Variants in HDAC4 observed in about 807,000 individuals in gnomAD.
The protein encoded by HDAC4 is histone deacetylase A.
In HDAC4, 16 loss-of-function variants were observed where a neutral mutation model predicts 135.1. That is an observed-to-expected ratio of 0.12 (90% CI 0.08 to 0.18). The LOEUF (loss-of-function observed/expected upper bound fraction) is 0.18, where lower values mean the gene tolerates loss of function less well. HDAC4 is among the 10% of genes least tolerant of loss of function. HDAC4 has a pLI of 1.00. For missense variants in HDAC4, 1,143 were observed against 1,511.8 expected (o/e 0.76, Z 4.05); for synonymous variants, 685 against 653.4 (o/e 1.05, Z -0.74).
chr2:239,144,223 T>C (rs3791481), intron 8 of HDAC4, among the ~76,000 whole-genome samples: 105,872 of 152,096 alleles, frequency 0.7, 37,683 homozygotes, highest in South Asian at 0.91. Flanking sequence ...GGGCAGAGCA[T>C]GCGATTCACC....
intron 3 of HDAC4, among the ~76,000 whole-genome samples, chr2:239,217,918 C>T (rs1271843580): frequency 2.0e-5 from 3 of 152,050 alleles, no homozygotes; most frequent in Non-Finnish European, 4.4e-5. Context: ...ATCATAAGAC[C>T]CCATCTTTCC....
chr2:239,224,108 A>G (rs1446650632), intron 3 of HDAC4, among the ~76,000 whole-genome samples: 1 of 152,178 alleles, frequency 6.6e-6, no homozygotes, highest in Non-Finnish European at 1.5e-5. Flanking sequence ...ATTCCCCATG[A>G]ATTCATGCAA....
rs73102726 is a variant in HDAC4, at chr2:239,337,203, G to A, written c.22+15475C>T. ...CTGAACAGCAGGTTGTCACACAAACGGCTCCAAGGGAGGGAGTGGAGGAAA... is the reference window on the plus strand; with the variant it reads ...CTGAACAGCAGGTTGTCACACAAACAGCTCCAAGGGAGGGAGTGGAGGAAA... On this transcript the variant is annotated intron_variant, in intron 2 of 26. Coordinates refer to ENST00000543185, the MANE Select transcript of HDAC4 (RefSeq NM_001378414.1). Among the ~76,000 whole-genome samples, 773 of 152,316 alleles carry A rather than the reference G, an allele frequency of 5.1e-3. 7 individuals carry two copies. Among genetic ancestry groups the A allele is most frequent in the African/African-American group, 0.018 (743 of 41,564 alleles).
intron 17 of HDAC4, among the ~76,000 whole-genome samples, chr2:239,093,394 C>T (rs2036703861): frequency 6.6e-6 from 1 of 152,144 alleles, no homozygotes. Flanking sequence ...CTCCTGACAC[C>T]CCAGGAGGCT....
chr2:239,316,319 G>A (rs1044744846), intron 2 of HDAC4, among the ~76,000 whole-genome samples: 1 of 152,186 alleles, frequency 6.6e-6, no homozygotes, highest in African/African-American at 2.4e-5. Context: ...AACTCAGATG[G>A]CAGGCCCGGT....
intron 15 of HDAC4, among the ~76,000 whole-genome samples, chr2:239,107,017 C>T (rs990996486): frequency 2.7e-5 from 4 of 149,342 alleles, no homozygotes; most frequent in African/African-American, 1.0e-4. Context: ...TGCGACCCTG[C>T]ACAGTGTTGC....
intron 3 of HDAC4, among the ~76,000 whole-genome samples, chr2:239,213,833 A>G (rs1246408707): frequency 6.6e-6 from 1 of 152,216 alleles, no homozygotes; most frequent in South Asian, 2.1e-4. Context: ...CCTGCCCTCC[A>G]TGAGTACACA....
chr2:239,377,636 AG>A (rs1695109362), intron 1 of HDAC4, among the ~76,000 whole-genome samples: 1 of 152,244 alleles, frequency 6.6e-6, no homozygotes, highest in Non-Finnish European at 1.5e-5. Flanking sequence ...TGCGGGCAGG[AG>A]GCCCCAGGGC....
chr2:239,189,520 C>G (rs766639530), intron 4 of HDAC4, among the ~76,000 whole-genome samples: 2 of 152,236 alleles, frequency 1.3e-5, no homozygotes, highest in African/African-American at 4.8e-5. Context: ...GGTGCTTCTT[C>G]CCTTTGGTAG....
rs115341044 is a variant in HDAC4 at position 239,192,669 on chromosome 2, T to C, written c.95-2592A>G. On this transcript the variant is annotated intron_variant, in intron 3 of 26. Transcript: ENST00000543185. ...CACAGTCTCGTGAATGACTGTCAGG[T>C]TGCGGTTCCCTCTTCCGCGTTCATG... Among the ~76,000 whole-genome samples, 1,142 of 152,166 alleles carry C rather than the reference T, an allele frequency of 7.5e-3. 15 individuals carry two copies. The highest frequency in any genetic ancestry group is 0.026 in the African/African-American group (1,084 of 41,522).
intron 2 of HDAC4, among the ~76,000 whole-genome samples, chr2:239,323,621 G>A (rs1345138479): frequency 2.0e-5 from 3 of 152,290 alleles, no homozygotes; most frequent in South Asian, 2.1e-4. Context: ...CCAAGAACCC[G>A]CGGCCAACGA....
intron 3 of HDAC4, among the ~76,000 whole-genome samples, chr2:239,191,868 C>A (rs1322527671): frequency 6.6e-6 from 1 of 152,240 alleles, no homozygotes; most frequent in Non-Finnish European, 1.5e-5. Flanking sequence ...TGAAAAGACA[C>A]AAAGCAACCC....
At chr2:239,234,156 C>T (rs1247115304) in intron 3 of HDAC4, among the ~76,000 whole-genome samples, 2 of 152,228 alleles carry the variant, frequency 1.3e-5, no homozygotes, top group Admixed American at 6.5e-5. Context: ...GCACAGGCCA[C>T]TGTGCAGGCT....
chr2:239,354,335 C>T (rs1481031663), intron 1 of HDAC4, among the ~76,000 whole-genome samples: 2 of 152,098 alleles, frequency 1.3e-5, no homozygotes, highest in East Asian at 1.9e-4. Flanking sequence ...AGGGAAGTGT[C>T]GGGCCAAAGA....
chr2:239,311,912 G>C (rs969750482), intron 2 of HDAC4, among the ~76,000 whole-genome samples: 19 of 152,160 alleles, frequency 1.2e-4, no homozygotes, highest in African/African-American at 4.6e-4. Flanking sequence ...TCCTGTGAAA[G>C]GAAGAGCTCA....
chr2:239,174,286 G>A (rs1400286331), intron 5 of HDAC4, among the ~76,000 whole-genome samples: 1 of 152,140 alleles, frequency 6.6e-6, no homozygotes, highest in Admixed American at 6.6e-5. Flanking sequence ...CTGGCCAAGG[G>A]TTGATTCCAT....
intron 2 of HDAC4, among the ~76,000 whole-genome samples, chr2:239,311,986 T>C (rs767782558): frequency 3.9e-5 from 6 of 152,042 alleles, no homozygotes; most frequent in Non-Finnish European, 7.4e-5. Context: ...GGCCCTAGAC[T>C]AACATGAGGA....
chr2:239,162,763 G>T (rs996599654), intron 6 of HDAC4, among the ~76,000 whole-genome samples: 1 of 152,200 alleles, frequency 6.6e-6, no homozygotes, highest in East Asian at 1.9e-4. Context: ...AGTGGAGGAC[G>T]TGGGCCACCT....
chr2:239,067,470 G>T (rs1461784438), intron 23 of HDAC4, among the ~76,000 whole-genome samples: 2 of 152,224 alleles, frequency 1.3e-5, no homozygotes, highest in Admixed American at 6.5e-5. Flanking sequence ...GGCTGGCGAG[G>T]CCGTAACTTC....
Sources: allele counts gnomAD v4.1 joint callset (sites outside exome capture counted in the v4.1 genomes callset), GRCh38; gene constraint gnomAD v4.1.1; transcripts MANE v1.5; gene names NCBI Gene and HGNC (gene_info 2026-07-23, HGNC 2026-07-21).